Variants in THSD7A observed in about 807,000 individuals in gnomAD.
THSD7A encodes thrombospondin type-1 domain-containing protein 7A.
A neutral mutation model predicts 231.3 loss-of-function variants in THSD7A; 96 were observed. That is an observed-to-expected ratio of 0.41 (90% CI 0.35 to 0.49). THSD7A has a LOEUF of 0.49. THSD7A is among the 20% of genes least tolerant of loss of function. The pLI, the probability that THSD7A is intolerant of heterozygous loss-of-function variation, is 0.05. For synonymous variants in THSD7A, 940 were observed against 743.3 expected (o/e 1.26, Z -4.30); for missense variants, 2,290 against 2,070.2 (o/e 1.11, Z -2.06).
chr7:11,559,505 A>ACATATATATAAATC (rs61061519), intron 4 of THSD7A, among the ~76,000 whole-genome samples: 70,324 of 147,860 alleles, frequency 0.48, 17,192 homozygotes, highest in Admixed American at 0.59. Context: ...CCATACATAT[A>ACATATATATAAATC]CATATATATA....
intron 1 of THSD7A, among the ~76,000 whole-genome samples, chr7:11,647,169 T>C (rs1782315291): frequency 1.3e-5 from 2 of 152,046 alleles, no homozygotes; most frequent in African/African-American, 4.8e-5. Flanking sequence ...CATTCTACCA[T>C]TAAATCCAAT....
chr7:11,637,022 A>G lies in THSD7A; in HGVS notation c.191-61T>C. ...CTAGAAGAAAACTACAAGTTACTGCACATTCCAGAAAGACCTTTCAAGACC... is the reference window on the plus strand; with the variant it reads ...CTAGAAGAAAACTACAAGTTACTGCGCATTCCAGAAAGACCTTTCAAGACC... On this transcript the variant is annotated intron_variant, in intron 1 of 27. Transcript: ENST00000423059. This position sits in a 1 kb window ranked among gnomAD's most constrained non-coding sequence, Gnocchi z 4.2. 1 of 1,476,310 alleles carries G rather than the reference A, an allele frequency of 6.8e-7. No individual in the cohort carries two copies. The highest frequency in any genetic ancestry group is 1.3e-5 in the South Asian group (1 of 77,528). The allele number at this position is 1,476,310 out of a possible 1,614,324, so 91.5% of individuals were successfully genotyped here.
At chr7:11,682,340 T>G (rs1783900476) in intron 1 of THSD7A, among the ~76,000 whole-genome samples, 1 of 152,104 alleles carries the variant, frequency 6.6e-6, no homozygotes, top group Admixed American at 6.6e-5. Context: ...GTTAACCTTC[T>G]GCTATCTTTA....
intron 23 of THSD7A, among the ~76,000 whole-genome samples, chr7:11,386,210 A>G (rs4636088): frequency 0.45 from 67,785 of 152,072 alleles, 16,071 homozygotes; most frequent in African/African-American, 0.61. Flanking sequence ...AGAATGGTTC[A>G]TAATCCTTTA....
chr7:11,374,476 T>G lies in THSD7A; in HGVS notation c.*1318A>C, dbSNP rs1045047300. The G allele has an allele frequency of 1.3e-5, 2 of 152,094 alleles. No homozygotes were observed. Among genetic ancestry groups the G allele is most frequent in the African/African-American group, 2.4e-5 (1 of 41,438 alleles). The allele number at this position is 152,094 out of a possible 1,614,324, so 9.4% of individuals were successfully genotyped here. ...GACTATGGATTTTGAAATAACTGCC[T>G]GCAAGACAGACATTCAATCTGAAAC... On this transcript the variant is annotated 3_prime_UTR_variant, in exon 28 of 28. Coordinates refer to ENST00000423059, the MANE Select transcript of THSD7A (RefSeq NM_015204.3).
intron 1 of THSD7A, among the ~76,000 whole-genome samples, chr7:11,812,087 AAGG>A (rs1265494357): frequency 6.7e-6 from 1 of 150,288 alleles, no homozygotes; most frequent in Non-Finnish European, 1.5e-5. Flanking sequence ...TGAGACTATA[AAGG>A]AGAAGAAAAG....
chr7:11,778,074 G>A (rs1283663877), intron 1 of THSD7A, among the ~76,000 whole-genome samples: 2 of 139,910 alleles, frequency 1.4e-5, no homozygotes, highest in Non-Finnish European at 3.1e-5. Flanking sequence ...GGAGAATGGC[G>A]TGAACCCGGG....
intron 4 of THSD7A, among the ~76,000 whole-genome samples, chr7:11,558,591 A>G (rs984660029): frequency 1.3e-5 from 2 of 152,122 alleles, no homozygotes; most frequent in Admixed American, 1.3e-4. Context: ...AGAAAATGAA[A>G]GTATTACTAT....
At chr7:11,580,690 C>A (rs1791118798) in intron 4 of THSD7A, among the ~76,000 whole-genome samples, 1 of 151,972 alleles carries the variant, frequency 6.6e-6, no homozygotes, top group South Asian at 2.1e-4. Context: ...GATGAGAACA[C>A]ATGGACACAT....
rs182705661 is a variant in THSD7A, at chr7:11,741,772, T to A, written c.190+89985A>T. Among the ~76,000 whole-genome samples, 215 of 152,078 alleles carry A rather than the reference T, an allele frequency of 1.4e-3. 5 individuals carry two copies. The highest frequency in any genetic ancestry group is 5.4e-4 in the Non-Finnish European group (37 of 67,928). Reference sequence around the variant, plus strand: ...CTAAACAAAGAATATAGTTAATAAATTCCCATATTATCCACAAACTATTTG... The same window carrying A: ...CTAAACAAAGAATATAGTTAATAAAATCCCATATTATCCACAAACTATTTG... On this transcript the variant is annotated intron_variant, in intron 1 of 27. Coordinates refer to ENST00000423059, the MANE Select transcript of THSD7A (RefSeq NM_015204.3).
intron 1 of THSD7A, among the ~76,000 whole-genome samples, chr7:11,696,583 G>A (rs529819331): frequency 5.3e-5 from 8 of 151,094 alleles, no homozygotes; most frequent in Non-Finnish European, 8.9e-5. Flanking sequence ...GCTCTCCCTC[G>A]CCTATCCCCC....
intron 11 of THSD7A, among the ~76,000 whole-genome samples, chr7:11,451,509 T>G (rs1785142296): frequency 6.6e-6 from 1 of 152,044 alleles, no homozygotes. Context: ...AAATGATGAC[T>G]ACATTGCTAG....
At chr7:11,588,835 T>G (rs1780029710) in intron 4 of THSD7A, among the ~76,000 whole-genome samples, 1 of 152,242 alleles carries the variant, frequency 6.6e-6, no homozygotes, top group African/African-American at 2.4e-5. Context: ...AAGAAAATAT[T>G]AATGTCCTAA....
At chr7:11,732,249 T>C (rs1562513371) in intron 1 of THSD7A, among the ~76,000 whole-genome samples, 1 of 151,738 alleles carries the variant, frequency 6.6e-6, no homozygotes, top group Non-Finnish European at 1.5e-5. Context: ...CCTACTGGAG[T>C]GAGATTTTGA....
chr7:11,501,290 T>C (rs1465647811), intron 6 of THSD7A, among the ~76,000 whole-genome samples: 1 of 152,180 alleles, frequency 6.6e-6, no homozygotes, highest in Non-Finnish European at 1.5e-5. Flanking sequence ...CCTGATAGAC[T>C]ATACAGAAAT....
At chr7:11,780,668 C>A (rs1783594264) in intron 1 of THSD7A, among the ~76,000 whole-genome samples, 1 of 152,224 alleles carries the variant, frequency 6.6e-6, no homozygotes, top group African/African-American at 2.4e-5. Context: ...CCCAGGGAAA[C>A]CATTTCCCAT....
intron 2 of THSD7A, among the ~76,000 whole-genome samples, chr7:11,604,987 T>C (rs1780685858): frequency 6.6e-6 from 1 of 151,952 alleles, no homozygotes; most frequent in Admixed American, 6.6e-5. Flanking sequence ...CATACACACA[T>C]GGCCTTAAAG....
chr7:11,776,031 C>T (rs1280668661), intron 1 of THSD7A, among the ~76,000 whole-genome samples: 2 of 151,966 alleles, frequency 1.3e-5, no homozygotes, highest in Admixed American at 6.6e-5. Flanking sequence ...TCTTTTAAAA[C>T]GTAAGTTAAT....
intron 1 of THSD7A, among the ~76,000 whole-genome samples, chr7:11,721,604 C>T (rs1185866878): frequency 6.6e-6 from 1 of 151,784 alleles, no homozygotes; most frequent in East Asian, 2.0e-4. Context: ...GACTAATACA[C>T]TAACCTAAAG....
Sources: allele counts gnomAD v4.1 joint callset (sites outside exome capture counted in the v4.1 genomes callset), GRCh38; gene constraint gnomAD v4.1.1; non-coding constraint Gnocchi (gnomAD v3.1); transcripts MANE v1.5; gene names NCBI Gene and HGNC (gene_info 2026-07-23, HGNC 2026-07-21).